Variants in TARBP1 observed in about 807,000 individuals in gnomAD.
The protein encoded by TARBP1 is tRNA guanosine 2 -O-methyltransferase TARBP1.
TARBP1 carries 144 observed loss-of-function variants against 178.6 expected under a neutral mutation model. That is an observed-to-expected ratio of 0.81 (90% CI 0.70 to 0.93). TARBP1 has a LOEUF of 0.93. Ranked by LOEUF, TARBP1 falls within the 40% of genes least tolerant of loss-of-function variation. The probability of loss-of-function intolerance (pLI) is 0.00; values close to 1 mark genes in which losing one functional copy is unlikely to be tolerated. For synonymous variants in TARBP1, 787 were observed against 781.0 expected (o/e 1.01, Z -0.13); for missense variants, 2,067 against 2,011.7 (o/e 1.03, Z -0.53).
Position 234,459,472 on chromosome 1 carries a change from C to T in TARBP1, c.1536-146G>A, listed in dbSNP as rs535599585. The stretch of plus-strand genomic sequence containing the variant: ...TCAAAGCTGTTATTTCCCATTATGG[C>T]CTCTATTAAGAGCTCAATTTTACTA... On this transcript the variant is annotated intron_variant, in intron 7 of 29. Coordinates refer to ENST00000040877, the MANE Select transcript of TARBP1 (RefSeq NM_005646.4). The T allele has an allele frequency of 1.5e-4, 93 of 625,964 alleles. No individual in the cohort carries two copies. In the East Asian group the frequency reaches 2.5e-3, roughly 17 times the overall value. 38.8% of individuals were successfully genotyped at this position (625,964 alleles called of 1,614,324 possible). A position where few individuals can be genotyped will look rare whatever the true frequency, so the allele number is the denominator to read the frequency against.
chr1:234,451,268 C>T (rs996013434), intron 9 of TARBP1, among the ~76,000 whole-genome samples: 3 of 152,174 alleles, frequency 2.0e-5, no homozygotes, highest in Non-Finnish European at 4.4e-5. Context: ...TTCTCAATTT[C>T]CTTTTTATAA....
At chr1:234,409,903 CA>C (rs1272416814) in intron 23 of TARBP1, among the ~76,000 whole-genome samples, 6 of 152,128 alleles carry the variant, frequency 3.9e-5, no homozygotes, top group Admixed American at 2.6e-4. Context: ...AGTGATTAAC[CA>C]AAATTAGTTA....
At position 234,433,476 on chromosome 1, in the gene TARBP1, G is replaced by A. The variant is rs1384803495; in HGVS notation, c.2328C>T (p.Ile776=). The change falls in exon 14 of 30, where the codon ATC becomes ATT. Residue 776 remains isoleucine (I), a synonymous_variant. Coordinates refer to ENST00000040877, the MANE Select transcript of TARBP1 (RefSeq NM_005646.4). ...LKVGWKRGNP[I]WRVISLLKNA... ...TTTTCAAAAGAGAAATAACTCTCCA[G>A]ATAGGGTTACCCCTTTTCCACCCAA... The A allele has an allele frequency of 1.9e-6, 3 of 1,614,094 alleles. No individual in the cohort carries two copies. The highest frequency in any genetic ancestry group is 2.5e-6 in the Non-Finnish European group (3 of 1,180,012).
At chr1:234,430,019 G>T in intron 15 of TARBP1, 68 bp downstream of exon 15, 2 of 1,426,192 alleles carry the variant, frequency 1.4e-6, no homozygotes, top group African/African-American at 1.4e-5. Context: ...TATAAGCAAT[G>T]TTGGGCAATC....
At chr1:234,402,679 A>C (rs1478449143) in intron 24 of TARBP1, among the ~76,000 whole-genome samples, 1 of 151,726 alleles carries the variant, frequency 6.6e-6, no homozygotes, top group African/African-American at 2.4e-5. Context: ...GGCTCAGGTG[A>C]TTCTCTCACC....
intron 20 of TARBP1, among the ~76,000 whole-genome samples, chr1:234,425,292 C>T (rs765072002): frequency 1.4e-4 from 22 of 152,140 alleles, no homozygotes; most frequent in Non-Finnish European, 1.0e-4. Flanking sequence ...CTGGAAAATA[C>T]AGAGTGAAGT....
In TARBP1 at chr1:234,462,103, CACTA is replaced by C. The variant is rs558105315; in HGVS notation, c.1400-1711_1400-1708del. ...CCTCAATTTTTCTTTCTTCCATTTGCACTAACTAAATTCAGTAAATCCCATCTTT... is the reference window on the plus strand; with the variant it reads ...CCTCAATTTTTCTTTCTTCCATTTGCACTAAATTCAGTAAATCCCATCTTT... On this transcript the variant is annotated intron_variant, in intron 6 of 29. Transcript: ENST00000040877. 2.1e-3 allele frequency among the ~76,000 whole-genome samples: 320 copies of C among 152,340 alleles called. 4 individuals carry two copies. Among genetic ancestry groups the C allele is most frequent in the African/African-American group, 7.3e-3 (302 of 41,582 alleles).
At chr1:234,475,999 C>T (rs12143758) in intron 1 of TARBP1, among the ~76,000 whole-genome samples, 8,684 of 144,460 alleles carry the variant, frequency 0.06, 461 homozygotes, top group African/African-American at 0.14. Flanking sequence ...TATTTACTTC[C>T]ATCTCTACTG....
At chr1:234,401,370 A>G in intron 24 of TARBP1, 108 bp from the exon 25 acceptor site, 1 of 748,268 alleles carries the variant, frequency 1.3e-6, no homozygotes, top group South Asian at 1.7e-5. Flanking sequence ...GAAGGAACAG[A>G]AAATTTTATG....
At chr1:234,450,694 A>G in intron 9 of TARBP1, 128 bp from the exon 10 acceptor site, 1 of 1,041,820 alleles carries the variant, frequency 9.6e-7, no homozygotes, top group Admixed American at 3.2e-5. Flanking sequence ...AAAGTAATAA[A>G]CCATTTACTA....
chr1:234,394,019 A>G (rs1659672496), intron 26 of TARBP1, among the ~76,000 whole-genome samples, 182 bp from the exon 27 acceptor site: 1 of 152,258 alleles, frequency 6.6e-6, no homozygotes, highest in South Asian at 2.1e-4. Context: ...TCCCATTTGT[A>G]GTAGTAACTT....
At chr1:234,402,870 G>T (rs1187761930) in intron 24 of TARBP1, among the ~76,000 whole-genome samples, 1 of 152,164 alleles carries the variant, frequency 6.6e-6, no homozygotes, top group Non-Finnish European at 1.5e-5. Flanking sequence ...ACAGGCGAGA[G>T]CCACTGCAGC....
chr1:234,456,733 G>T (rs1383181090), intron 9 of TARBP1, among the ~76,000 whole-genome samples: 1 of 152,108 alleles, frequency 6.6e-6, no homozygotes, highest in Admixed American at 6.5e-5. Context: ...GCAAGTAAGA[G>T]AATACGTATA....
In TARBP1 at chr1:234,470,295, T is replaced by C. The variant is rs1005588979; in HGVS notation, c.1099+893A>G. ...CAAAAACAAAAAAAAAGAGCAATTA[T>C]TAAAACCACAGACTATGTCATCATT... On this transcript the variant is annotated intron_variant, in intron 3 of 29. Transcript: ENST00000040877. Among the ~76,000 whole-genome samples the C allele has an allele frequency of 3.9e-5, 6 of 152,172 alleles. 1 individual carries two copies. The highest frequency in any genetic ancestry group is 7.4e-5 in the Non-Finnish European group (5 of 67,998).
At chr1:234,425,954 T>TAG (rs1663702071) in intron 19 of TARBP1, among the ~76,000 whole-genome samples, 161 bp from the exon 20 acceptor site, 2 of 152,218 alleles carry the variant, frequency 1.3e-5, no homozygotes, top group African/African-American at 2.4e-5. Context: ...TTAGAATAGA[T>TAG]AACAGAAGAT....
chr1:234,419,086 G>A (rs1205000578), intron 21 of TARBP1, among the ~76,000 whole-genome samples: 1 of 152,054 alleles, frequency 6.6e-6, no homozygotes, highest in Non-Finnish European at 1.5e-5. Context: ...GCAGGAGAAT[G>A]GCGTGAACCC....
At chr1:234,441,176 C>T (rs1015093045) in intron 12 of TARBP1, among the ~76,000 whole-genome samples, 1 of 152,118 alleles carries the variant, frequency 6.6e-6, no homozygotes, top group Non-Finnish European at 1.5e-5. Flanking sequence ...AAAGTAAGAT[C>T]CTGTCTCTAA....
chr1:234,440,013 T>TTTTAAAAACAAA (rs1665431074), intron 12 of TARBP1, among the ~76,000 whole-genome samples: 1 of 152,064 alleles, frequency 6.6e-6, no homozygotes, highest in Admixed American at 6.6e-5. Flanking sequence ...CTTAAAACAA[T>TTTTAAAAACAAA]TTTAAAAACT....
intron 3 of TARBP1, among the ~76,000 whole-genome samples, chr1:234,470,427 G>A (rs1668920274): frequency 6.6e-6 from 1 of 152,108 alleles, no homozygotes; most frequent in Admixed American, 6.6e-5. Context: ...TAGCAAGAAG[G>A]GAACAGGGAA....
Sources: allele counts gnomAD v4.1 joint callset (sites outside exome capture counted in the v4.1 genomes callset), GRCh38; gene constraint gnomAD v4.1.1; transcripts MANE v1.5; gene names NCBI Gene and HGNC (gene_info 2026-07-23, HGNC 2026-07-21).